The following DCC variants were observed in gnomAD, a reference collection of about 807,000 sequenced individuals.
DCC encodes the protein netrin receptor DCC.
Under a neutral mutation model 172.5 loss-of-function variants are expected in DCC, and 58 were observed. The observed-to-expected ratio is 0.34, with a 90% CI of 0.27 to 0.42. The LOEUF is 0.42. Ranked by LOEUF, DCC falls within the 10% of genes least tolerant of loss-of-function variation. The pLI is 1.00. For synonymous variants in DCC, 709 were observed against 644.5 expected (o/e 1.10, Z -1.52); for missense variants, 1,740 against 1,791.0 (o/e 0.97, Z 0.51).
Position 53,207,668 on chromosome 18 carries a change from T to C in DCC, c.1723-11T>C. 1 of 1,613,166 alleles carries C rather than the reference T, an allele frequency of 6.2e-7. No homozygotes were observed. Among genetic ancestry groups the C allele is most frequent in the Non-Finnish European group, 8.5e-7 (1 of 1,179,248 alleles). On this transcript the variant is annotated splice_polypyrimidine_tract_variant and intron_variant, in intron 10 of 28. Transcript: ENST00000442544. Reference sequence around the variant, plus strand: ...TTCCTTGATAACAGTTTTGGTGTTTTATGTCTCCAGAATATAGAGGTTGAT... The same window carrying C: ...TTCCTTGATAACAGTTTTGGTGTTTCATGTCTCCAGAATATAGAGGTTGAT...
intron 1 of DCC, among the ~76,000 whole-genome samples, chr18:52,496,230 A>G (rs537076042): frequency 3.1e-4 from 47 of 152,232 alleles, no homozygotes; most frequent in African/African-American, 1.1e-3. Context: ...CAGGCCAAAG[A>G]TAATTTTTTA....
intron 2 of DCC, among the ~76,000 whole-genome samples, chr18:52,849,574 T>TA (rs1295520769): frequency 6.6e-6 from 1 of 152,150 alleles, no homozygotes. Flanking sequence ...TCACAGGCAA[T>TA]ATAGCATCTT....
At chr18:52,915,793 TTATC>T (rs2040031126) in intron 3 of DCC, among the ~76,000 whole-genome samples, 1 of 152,116 alleles carries the variant, frequency 6.6e-6, no homozygotes, top group African/African-American at 2.4e-5. Context: ...AGAAATATAT[TTATC>T]AATTTCTATT....
intron 1 of DCC, among the ~76,000 whole-genome samples, chr18:52,429,541 T>C (rs1780070118): frequency 6.6e-6 from 1 of 152,264 alleles, no homozygotes; most frequent in African/African-American, 2.4e-5. Flanking sequence ...TGTAATCAGA[T>C]GAATTTGTCA....
chr18:52,979,726 G>T (rs1246401722), intron 5 of DCC, among the ~76,000 whole-genome samples: 1 of 152,228 alleles, frequency 6.6e-6, no homozygotes, highest in African/African-American at 2.4e-5. Context: ...TACTGAATGA[G>T]AAGAGCACCA....
intron 3 of DCC, among the ~76,000 whole-genome samples, chr18:52,912,624 G>A (rs2039987018): frequency 6.6e-6 from 1 of 151,862 alleles, no homozygotes; most frequent in Admixed American, 6.6e-5. Context: ...GTATGATATG[G>A]TATAAGAGGA....
intron 12 of DCC, among the ~76,000 whole-genome samples, chr18:53,305,293 G>A (rs1431193): frequency 0.14 from 21,500 of 152,112 alleles, 2,223 homozygotes; most frequent in African/African-American, 0.28. Flanking sequence ...CTATTGTTTT[G>A]TGGCTTTATA....
intron 2 of DCC, among the ~76,000 whole-genome samples, chr18:52,890,456 G>T (rs1431739): frequency 0.017 from 2,614 of 151,996 alleles, 56 homozygotes; most frequent in African/African-American, 0.046. Context: ...TCATAAAACC[G>T]CCTAAAACAG....
intron 2 of DCC, among the ~76,000 whole-genome samples, chr18:52,880,338 T>A (rs1334730952): frequency 1.3e-5 from 2 of 152,128 alleles, no homozygotes; most frequent in Non-Finnish European, 2.9e-5. Flanking sequence ...AGTAGAGATG[T>A]GGTTTCACCA....
chr18:53,241,930 A>G (rs1055175113), intron 12 of DCC, among the ~76,000 whole-genome samples: 5 of 152,218 alleles, frequency 3.3e-5, no homozygotes, highest in African/African-American at 1.2e-4. Context: ...GTATTCAATC[A>G]GGCAAAGAGG....
rs372954553 is a variant in DCC at position 53,013,540 on chromosome 18, G to A, written c.986-49765G>A. The stretch of plus-strand genomic sequence containing the variant: ...GAACATCACACAACAGGGCATTATC[G>A]GGGGGTGGGGAGTGAGGGGAGTGAG... On this transcript the variant is annotated intron_variant, in intron 5 of 28. Coordinates refer to ENST00000442544, the MANE Select transcript of DCC (RefSeq NM_005215.4). 1.3e-4 allele frequency among the ~76,000 whole-genome samples: 19 copies of A among 151,896 alleles called. No individual in the cohort carries two copies. In the East Asian group the frequency reaches 2.7e-3, roughly 22 times the overall value.
intron 2 of DCC, among the ~76,000 whole-genome samples, chr18:52,771,805 T>A (rs1265767685): frequency 1.3e-5 from 2 of 150,132 alleles, no homozygotes; most frequent in Non-Finnish European, 3.0e-5. Flanking sequence ...TCTCATATTT[T>A]AATTAACTCG....
intron 1 of DCC, among the ~76,000 whole-genome samples, chr18:52,497,944 A>G (rs7230011): frequency 0.03 from 4,530 of 152,264 alleles, 246 homozygotes; most frequent in African/African-American, 0.1. Flanking sequence ...AGGGTCAGAT[A>G]GTAAACATTT....
At chr18:53,404,292 T>G (rs1386943621) in intron 19 of DCC, among the ~76,000 whole-genome samples, 1 of 152,100 alleles carries the variant, frequency 6.6e-6, no homozygotes, top group Non-Finnish European at 1.5e-5. Context: ...ATAAGTCATA[T>G]TCTCCACTCA....
chr18:52,541,250 C>T (rs2144702731), intron 1 of DCC, among the ~76,000 whole-genome samples: 1 of 152,252 alleles, frequency 6.6e-6, no homozygotes, highest in South Asian at 2.1e-4. Context: ...CATATTTTAT[C>T]CTTGTTCAAG....
At chr18:53,378,842 CAT>C (rs752946775) in intron 15 of DCC, among the ~76,000 whole-genome samples, 6 of 152,056 alleles carry the variant, frequency 3.9e-5, no homozygotes, top group Admixed American at 6.6e-5. Flanking sequence ...AATGAGAAAA[CAT>C]GTCATAAACT....
chr18:52,503,475 ATACGTT>A (rs1260551539), intron 1 of DCC, among the ~76,000 whole-genome samples: 3 of 152,186 alleles, frequency 2.0e-5, no homozygotes, highest in African/African-American at 7.2e-5. Flanking sequence ...ATAGATAAGT[ATACGTT>A]TACCTATGAA....
intron 7 of DCC, among the ~76,000 whole-genome samples, chr18:53,116,879 G>T (rs1598818398): frequency 6.6e-6 from 1 of 151,554 alleles, no homozygotes; most frequent in African/African-American, 2.4e-5. Context: ...CTAGACTAAA[G>T]GGCAGATCCT....
At chr18:52,779,477 A>G (rs577943677) in intron 2 of DCC, among the ~76,000 whole-genome samples, 11 of 152,148 alleles carry the variant, frequency 7.2e-5, no homozygotes, top group African/African-American at 1.7e-4. Context: ...CTGCAAGGAC[A>G]TGAACTCATC....
Sources: gnomAD v4.1 joint callset for allele counts (sites outside exome capture counted in the v4.1 genomes callset) on GRCh38, gnomAD v4.1.1 for gene constraint, MANE v1.5 for transcripts, NCBI Gene and HGNC (gene_info 2026-07-23, HGNC 2026-07-21) for gene names.